The following CIAO3 variants were observed in gnomAD, a reference collection of about 807,000 sequenced individuals.
The protein encoded by CIAO3 is cytosolic iron-sulfur assembly component 3, also known as LET1 like/JFP15.
CIAO3 carries 45 observed loss-of-function variants against 51.5 expected under a neutral mutation model. That is an observed-to-expected ratio of 0.87 (90% confidence interval 0.69 to 1.12). The LOEUF (loss-of-function observed/expected upper bound fraction) is 1.12, where lower values mean the gene tolerates loss of function less well. Among genes scored for constraint, CIAO3 ranks in the 50% most tolerant of loss-of-function variants. The pLI, the probability that CIAO3 is intolerant of heterozygous loss-of-function variation, is 0.00. For missense variants in CIAO3, 668 were observed against 632.5 expected (o/e 1.06, Z -0.60); for synonymous variants, 314 against 269.3 (o/e 1.17, Z -1.63).
At chr16:733,111 A>G (rs1165859889) in intron 7 of CIAO3, 187 bp downstream of exon 7, 1 of 680,880 alleles carries the variant, frequency 1.5e-6, no homozygotes, top group African/African-American at 1.8e-5. Flanking sequence ...GGTCCCCAAG[A>G]CAGGCCAGCT....
At position 731,008 on chromosome 16, in the gene CIAO3, G is replaced by A; in HGVS notation, c.1035-8C>T. The A allele has an allele frequency of 6.2e-7, 1 of 1,612,376 alleles. No individual in the cohort carries two copies. Among genetic ancestry groups the A allele is most frequent in the Non-Finnish European group, 8.5e-7 (1 of 1,179,760 alleles). On this transcript the variant is annotated splice_region_variant and splice_polypyrimidine_tract_variant and intron_variant, in intron 9 of 10. Coordinates refer to ENST00000251588, the MANE Select transcript of CIAO3 (RefSeq NM_022493.3). Reference sequence around the variant, plus strand: ...TCCTGGAAGTCTTTGTTCCTGGGGGGCACAGGCGGGGTTTGTCTACATGGC... The same window carrying A: ...TCCTGGAAGTCTTTGTTCCTGGGGGACACAGGCGGGGTTTGTCTACATGGC...
At position 734,776 on chromosome 16, in the gene CIAO3, A is replaced by T. The variant is rs758085648; in HGVS notation, c.535T>A (p.Cys179Ser). ...FVRRFRGQAD[C>S]RQALPLLASA... ...GCCAGCAGGGGCAGCGCCTGTCTGC[A>T]GTCGGCCTGTCCTCGGAATCGCCGC... Residue 179 changes from cysteine to serine, a missense_variant, in exon 5 of 11, where the codon TGC becomes AGC. Cys to Ser is a moderately radical substitution (Grantham distance 112, BLOSUM62 -1). Transcript: ENST00000251588. 1 of 1,610,866 alleles carries T rather than the reference A, an allele frequency of 6.2e-7. No individual in the cohort carries two copies. The highest frequency in any genetic ancestry group is 2.2e-5 in the East Asian group (1 of 44,766).
In CIAO3 at chr16:737,127, G is replaced by T; in HGVS notation, c.306+59C>A. ...CGAGCTGCCCTTGGCAAAACGCGTTGTCGGCTGCTGGGATGGATTTCAGGT... is the reference window on the plus strand; with the variant it reads ...CGAGCTGCCCTTGGCAAAACGCGTTTTCGGCTGCTGGGATGGATTTCAGGT... On this transcript the variant is annotated intron_variant, in intron 3 of 10. Coordinates refer to ENST00000251588, the MANE Select transcript of CIAO3 (RefSeq NM_022493.3). The surrounding 1 kb of genome is among the most constrained non-coding windows in gnomAD (Gnocchi z 5.3). The T allele has an allele frequency of 1.2e-6, 2 of 1,602,474 alleles. No homozygotes were observed. The highest frequency in any genetic ancestry group is 1.7e-6 in the Non-Finnish European group (2 of 1,170,956).
At chr16:736,739 C>A (rs1244925999) in intron 3 of CIAO3, among the ~76,000 whole-genome samples, 2 of 152,148 alleles carry the variant, frequency 1.3e-5, no homozygotes, top group African/African-American at 4.8e-5. Context: ...TCTCGGCTCA[C>A]TGCAACCTCT....
intron 2 of CIAO3, chr16:739,318 CAAA>C (rs1390059686): frequency 1.5e-5 from 5 of 337,218 alleles, no homozygotes; most frequent in Admixed American, 4.4e-5. Context: ...AACAAACAAA[CAAA>C]CAAAAGAACG....
intron 2 of CIAO3, chr16:738,076 G>C: frequency 1.9e-6 from 2 of 1,041,824 alleles, no homozygotes; most frequent in Admixed American, 5.0e-5. Flanking sequence ...CACAATCTGA[G>C]CTCGCCTTGT....
At position 734,869 on chromosome 16, in the gene CIAO3, C is replaced by A; in HGVS notation, c.442G>T (p.Val148Leu). The A allele has an allele frequency of 6.4e-7, 1 of 1,554,714 alleles. No individual in the cohort carries two copies. Among genetic ancestry groups the A allele is most frequent in the Non-Finnish European group, 8.7e-7 (1 of 1,146,338 alleles). The change falls in exon 5 of 11, where the codon GTG (valine) becomes TTG (leucine). Residue 148 changes from valine (V) to leucine (L), a missense_variant and splice_region_variant. Val to Leu is a conservative substitution (Grantham distance 32). Coordinates refer to ENST00000251588, the MANE Select transcript of CIAO3 (RefSeq NM_022493.3). ...AAGGCGGTGTCGAAGACGAAGTGCA[C>A]CCCTGGAAGGTGAAGGTGGGTGCCT... is the stretch of plus-strand genomic sequence containing the variant. ...KLTSFFKKIG[V>L]HFVFDTAFSR...
At chr16:731,304 A>G in intron 9 of CIAO3, 1 of 585,018 alleles carries the variant, frequency 1.7e-6, no homozygotes, top group Non-Finnish European at 2.9e-6. Flanking sequence ...CCAGGCACCC[A>G]TCACCTTTGC....
intron 6 of CIAO3, chr16:733,841 C>T: frequency 2.8e-6 from 1 of 361,774 alleles, no homozygotes; most frequent in South Asian, 2.4e-5. Context: ...ACCACCGGGG[C>T]CGCCCTCGCC....
chr16:737,552 G>A lies in CIAO3; in HGVS notation c.163-223C>T. 6.7e-7 allele frequency: 1 copy of A among 1,498,468 alleles called. No individual in the cohort carries two copies. Among genetic ancestry groups the A allele is most frequent in the Non-Finnish European group, 8.9e-7 (1 of 1,123,548 alleles). 92.8% of individuals were successfully genotyped at this position (1,498,468 alleles called of 1,614,324 possible). ...TGCTTCTTGGTACCACTTGGTTAGT[G>A]CATCCGAATCACAGGACTAAGGCTT... is the stretch of plus-strand genomic sequence containing the variant. On this transcript the variant is annotated intron_variant, in intron 2 of 10. Transcript: ENST00000251588. This position sits in a 1 kb window ranked among gnomAD's most constrained non-coding sequence, Gnocchi z 5.3.
chr16:739,626 A>G lies in CIAO3; in HGVS notation c.162+17T>C. 1 of 1,610,308 alleles carries G rather than the reference A, an allele frequency of 6.2e-7. No homozygotes were observed. Among genetic ancestry groups the G allele is most frequent in the Non-Finnish European group, 8.5e-7 (1 of 1,176,542 alleles). Reference sequence around the variant, plus strand: ...AGCCGGGCAGGAGAGATGGTGGAGCAGCCTCCTGTGCCTTACTTGGTTAAT... The same window carrying G: ...AGCCGGGCAGGAGAGATGGTGGAGCGGCCTCCTGTGCCTTACTTGGTTAAT... On this transcript the variant is annotated intron_variant, in intron 2 of 10. Transcript: ENST00000251588.
chr16:730,354 G>A lies in CIAO3; in HGVS notation c.*63C>T. On this transcript the variant is annotated 3_prime_UTR_variant, in exon 11 of 11. Coordinates refer to ENST00000251588, the MANE Select transcript of CIAO3 (RefSeq NM_022493.3). ...ATTTTGGGGGAAGCCCTGGGGTCTT[G>A]GGGCATGTGGTTCTGCTGTCACACA... is the stretch of plus-strand genomic sequence containing the variant. 6.7e-7 allele frequency: 1 copy of A among 1,495,632 alleles called. No homozygotes were observed. The highest frequency in any genetic ancestry group is 9.1e-7 in the Non-Finnish European group (1 of 1,093,546). 92.6% of individuals were successfully genotyped at this position (1,495,632 alleles called of 1,614,324 possible).
At chr16:734,490 C>T in intron 5 of CIAO3, 143 bp from the exon 6 acceptor site, 2 of 845,110 alleles carry the variant, frequency 2.4e-6, no homozygotes, top group Non-Finnish European at 3.8e-6. Flanking sequence ...CTGTTCTCCC[C>T]ACCACCACGC....
intron 6 of CIAO3, 198 bp from the exon 7 acceptor site, chr16:733,625 C>T (rs1482627980): frequency 8.3e-6 from 6 of 723,818 alleles, no homozygotes; most frequent in Admixed American, 2.9e-5. Context: ...GAAAATGACA[C>T]TGACCCATTC....
intron 6 of CIAO3, chr16:733,764 C>T (rs2041308854): frequency 7.7e-6 from 3 of 390,376 alleles, no homozygotes; most frequent in South Asian, 2.3e-5. Context: ...GCTCCAGCCC[C>T]GGGTGAAAAT....
At chr16:733,147 G>C in intron 7 of CIAO3, 151 bp downstream of exon 7, 1 of 1,010,848 alleles carries the variant, frequency 9.9e-7, no homozygotes, top group Non-Finnish European at 1.4e-6. Flanking sequence ...TGGCTCCAAG[G>C]GGAGAGACGA....
intron 6 of CIAO3, 137 bp downstream of exon 6, chr16:734,092 A>C (rs971706128): frequency 3.6e-5 from 26 of 731,232 alleles, no homozygotes; most frequent in Non-Finnish European, 5.5e-5. Context: ...CCAGGAGGGA[A>C]CAAGGGTGGA....
At chr16:731,072 T>G in intron 9 of CIAO3, 72 bp from the exon 10 acceptor site, 8 of 1,577,094 alleles carry the variant, frequency 5.1e-6, no homozygotes, top group Non-Finnish European at 6.9e-6. Context: ...AGGGGAGGCC[T>G]GCTGGGCTTC....
At chr16:739,817 G>A in intron 1 of CIAO3, 79 bp from the exon 2 acceptor site, 1 of 1,451,412 alleles carries the variant, frequency 6.9e-7, no homozygotes, top group Non-Finnish European at 9.5e-7. Flanking sequence ...AAGGATGGCT[G>A]CCCAGCCGCA....
Sources: gnomAD v4.1 joint callset for allele counts (sites outside exome capture counted in the v4.1 genomes callset) on GRCh38, gnomAD v4.1.1 for gene constraint, Gnocchi (gnomAD v3.1) non-coding constraint, MANE v1.5 for transcripts, NCBI Gene and HGNC (gene_info 2026-07-23, HGNC 2026-07-21) for gene names.